Variants in INTS9 observed in about 807,000 individuals in gnomAD.
INTS9 encodes the protein integrator complex subunit 9.
Under a neutral mutation model 79.7 loss-of-function variants are expected in INTS9, and 55 were observed. The observed-to-expected ratio is 0.69, with a 90% confidence interval of 0.56 to 0.86. INTS9 has a LOEUF of 0.86. INTS9 is among the 40% of genes least tolerant of loss of function. The probability of loss-of-function intolerance (pLI) is 0.00; values close to 1 mark genes in which losing one functional copy is unlikely to be tolerated. For missense variants in INTS9, 721 were observed against 831.5 expected, an observed-to-expected ratio of 0.87 and a Z score of 1.64; for synonymous variants, 319 against 325.2, an observed-to-expected ratio of 0.98 and a Z score of 0.20.
intron 11 of INTS9, among the ~76,000 whole-genome samples, chr8:28,786,532 A>G (rs1297732452): frequency 6.6e-6 from 1 of 152,020 alleles, no homozygotes; most frequent in East Asian, 1.9e-4. Context: ...GCCTCCAGTG[A>G]TCCTCCCACT....
chr8:28,801,787 A>AT (rs1429870382), intron 8 of INTS9, among the ~76,000 whole-genome samples: 3 of 151,878 alleles, frequency 2.0e-5, no homozygotes, highest in Non-Finnish European at 1.5e-5. Flanking sequence ...TAATTTTTGT[A>AT]TTTTTTGTAG....
Position 28,769,942 on chromosome 8 carries a change from G to C in INTS9, c.1747C>G (p.Pro583Ala). ...ACAGGGATGGAACCGCTCAACAAAG[G>C]CTTCAGGACTTTGCAGTCTGGTACG... is the stretch of plus-strand genomic sequence containing the variant. ...DDVPDCKVLKPLLSGSIPVEQ... is the reference protein window; with the variant it reads ...DDVPDCKVLKALLSGSIPVEQ... Residue 583 changes from proline (P) to alanine (A), a missense_variant, in exon 16 of 17, where the codon CCT becomes GCT. Pro to Ala is a conservative substitution (Grantham distance 27). Coordinates refer to ENST00000521022, the MANE Select transcript of INTS9 (RefSeq NM_018250.4). The C allele has an allele frequency of 1.9e-6, 3 of 1,614,208 alleles. No individual in the cohort carries two copies. The highest frequency in any genetic ancestry group is 1.1e-5 in the South Asian group (1 of 91,078).
intron 16 of INTS9, chr8:28,769,668 C>T: frequency 1.8e-6 from 1 of 559,096 alleles, no homozygotes; most frequent in Non-Finnish European, 3.1e-6. Flanking sequence ...TCTGGAGAGG[C>T]CTTCTGGTGA....
At chr8:28,856,025 C>G (rs1808135419) in intron 2 of INTS9, among the ~76,000 whole-genome samples, 1 of 152,180 alleles carries the variant, frequency 6.6e-6, no homozygotes, top group African/African-American at 2.4e-5. Flanking sequence ...TGCAGCTTTT[C>G]TGTAAATCTG....
intron 1 of INTS9, among the ~76,000 whole-genome samples, chr8:28,873,554 T>C (rs1809204961): frequency 6.6e-6 from 1 of 152,222 alleles, no homozygotes. Flanking sequence ...AGAATAGTGA[T>C]TAACTGGAGG....
intron 1 of INTS9, among the ~76,000 whole-genome samples, chr8:28,885,017 C>T (rs1406635954): frequency 6.6e-6 from 1 of 152,200 alleles, no homozygotes; most frequent in African/African-American, 2.4e-5. Context: ...GCAGGATTTG[C>T]CCCTTTCAAG....
intron 6 of INTS9, among the ~76,000 whole-genome samples, chr8:28,834,292 G>A (rs1206862306): frequency 3.9e-5 from 6 of 152,126 alleles, no homozygotes; most frequent in African/African-American, 1.4e-4. Context: ...CCTTTACGCT[G>A]CTTCCAGAGT....
At position 28,769,954 on chromosome 8, in the gene INTS9, T is replaced by A; in HGVS notation, c.1735A>T (p.Lys579Ter). The A allele has an allele frequency of 6.2e-7, 1 of 1,614,238 alleles. No individual in the cohort carries two copies. The highest frequency in any genetic ancestry group is 8.5e-7 in the Non-Finnish European group (1 of 1,180,030). Residue 579 changes from lysine to a stop codon, truncating the protein, a stop_gained, in exon 16 of 17, where the codon AAA becomes TAA. Coordinates refer to ENST00000521022, the MANE Select transcript of INTS9 (RefSeq NM_018250.4). LOFTEE classifies it high-confidence loss of function. ...CCGCTCAACAAAGGCTTCAGGACTT[T>A]GCAGTCTGGTACGTCATCGCTCACC... ...KRVSDDVPDC[K>*]VLKPLLSGSI...
chr8:28,809,261 C>T (rs754219146), intron 8 of INTS9, among the ~76,000 whole-genome samples: 12 of 152,112 alleles, frequency 7.9e-5, no homozygotes, highest in Admixed American at 1.3e-4. Flanking sequence ...GTCCAGCCTA[C>T]GGTGTATATT....
At chr8:28,835,737 T>C (rs899861745) in intron 5 of INTS9, among the ~76,000 whole-genome samples, 1 of 152,172 alleles carries the variant, frequency 6.6e-6, no homozygotes, top group Non-Finnish European at 1.5e-5. Flanking sequence ...GTTAAATGAC[T>C]GTCAGGTATC....
intron 8 of INTS9, among the ~76,000 whole-genome samples, chr8:28,806,208 C>T (rs917116014): frequency 1.3e-5 from 2 of 151,936 alleles, no homozygotes; most frequent in African/African-American, 2.4e-5. Context: ...CTAGCCTGAG[C>T]GACAGAGCAA....
intron 1 of INTS9, among the ~76,000 whole-genome samples, chr8:28,884,627 C>T (rs1022621937): frequency 3.9e-5 from 6 of 152,214 alleles, no homozygotes; most frequent in East Asian, 1.9e-4. Context: ...TTATGTCACA[C>T]GCAGCTTTTC....
At chr8:28,775,572 G>A (rs1428475353) in intron 14 of INTS9, among the ~76,000 whole-genome samples, 187 bp downstream of exon 14, 2 of 152,120 alleles carry the variant, frequency 1.3e-5, no homozygotes, top group Non-Finnish European at 1.5e-5. Flanking sequence ...GGCTGGTCTC[G>A]AACTCCTGAC....
intron 6 of INTS9, among the ~76,000 whole-genome samples, chr8:28,815,108 G>A (rs1301622809): frequency 6.6e-6 from 1 of 151,942 alleles, no homozygotes; most frequent in Non-Finnish European, 1.5e-5. Flanking sequence ...AAATTAGGCA[G>A]GTAGAAGAAA....
chr8:28,881,308 T>C (rs1263205110), intron 1 of INTS9, among the ~76,000 whole-genome samples: 1 of 97,498 alleles, frequency 1.0e-5, no homozygotes. Flanking sequence ...GGTGGGGGGA[T>C]CAGCCCCCCG....
chr8:28,832,616 C>A (rs141316686), intron 6 of INTS9, among the ~76,000 whole-genome samples: 3 of 152,274 alleles, frequency 2.0e-5, no homozygotes, highest in Admixed American at 6.5e-5. Flanking sequence ...ACTAGCTGTG[C>A]GACCTTGGGC....
At chr8:28,796,457 C>T in intron 9 of INTS9, 87 bp downstream of exon 9, 1 of 747,986 alleles carries the variant, frequency 1.3e-6, no homozygotes, top group Non-Finnish European at 2.3e-6. Context: ...AGCACTCCTT[C>T]CCCCATTATT....
chr8:28,771,872 T>C (rs191321142), intron 14 of INTS9, among the ~76,000 whole-genome samples: 39 of 152,306 alleles, frequency 2.6e-4, no homozygotes, highest in Admixed American at 1.7e-3. Context: ...GGAGTCTTTT[T>C]TTTTTTGAGA....
chr8:28,837,847 CGTT>C (rs1490752375), intron 4 of INTS9, 71 bp from the exon 5 acceptor site: 28 of 1,432,826 alleles, frequency 2.0e-5, no homozygotes, highest in Non-Finnish European at 2.5e-5. Flanking sequence ...TAAAAAACGA[CGTT>C]GTCAGAATGC....
Sources: allele counts gnomAD v4.1 joint callset (sites outside exome capture counted in the v4.1 genomes callset), GRCh38; gene constraint gnomAD v4.1.1; transcripts MANE v1.5; gene names NCBI Gene and HGNC (gene_info 2026-07-23, HGNC 2026-07-21).